The following SHROOM3 variants were observed in gnomAD, a reference collection of about 807,000 sequenced individuals.
SHROOM3 encodes shroom family member 3.
In SHROOM3, 47 loss-of-function variants were observed where a neutral mutation model predicts 138.6. That is an observed-to-expected ratio of 0.34 (90% CI 0.27 to 0.43). The LOEUF is 0.43. Among genes scored for constraint, SHROOM3 ranks in the 20% least tolerant of loss-of-function variants. The probability of loss-of-function intolerance (pLI) is 1.00; values close to 1 mark genes in which losing one functional copy is unlikely to be tolerated. For missense variants in SHROOM3, 2,491 were observed against 2,596.5 expected (o/e 0.96, Z 0.88); for synonymous variants, 1,062 against 1,063.3 (o/e 1.00, Z 0.02).
intron 2 of SHROOM3, chr4:76,573,581 G>A (rs1435733698): frequency 1.9e-5 from 3 of 154,386 alleles, no homozygotes; most frequent in African/African-American, 7.2e-5. Flanking sequence ...CTGGGGATTT[G>A]GAGAAGTGGT....
chr4:76,755,196 AGT>A lies in SHROOM3; in HGVS notation c.4709+6_4709+7del. The A allele has an allele frequency of 6.2e-7, 1 of 1,613,356 alleles. No individual in the cohort carries two copies. The highest frequency in any genetic ancestry group is 2.2e-5 in the East Asian group (1 of 44,854). ...ATCCCGAGGGGCCACGCCCCAGGTG[AGT>A]GAGCAGACTGGGCAGCTTTCCCCCA... On this transcript the variant is annotated splice_donor_5th_base_variant and intron_variant, in intron 7 of 10. Coordinates refer to ENST00000296043, the MANE Select transcript of SHROOM3 (RefSeq NM_020859.4).
Position 76,740,474 on chromosome 4 carries a change from G to T in SHROOM3, c.2301G>T (p.Ser767=), listed in dbSNP as rs775241186. Reference sequence around the variant, plus strand: ...GGGGGCCCGGCCCAGGCAGCGCCTCGGCTCTTCAGGGCTTTCAGTACGGGA... The same window carrying T: ...GGGGGCCCGGCCCAGGCAGCGCCTCTGCTCTTCAGGGCTTTCAGTACGGGA... ...GRRGPGPGSA[S]ALQGFQYGKP... is the part of the protein sequence containing the mutation. Residue 767 remains serine (S), a synonymous_variant, in exon 5 of 11, where the codon TCG becomes TCT. Transcript: ENST00000296043. This position sits in a 1 kb window ranked among gnomAD's most constrained non-coding sequence, Gnocchi z 4.0. The T allele has an allele frequency of 6.2e-7, 1 of 1,611,762 alleles. No individual in the cohort carries two copies. The highest frequency in any genetic ancestry group is 8.5e-7 in the Non-Finnish European group (1 of 1,178,634).
chr4:76,631,015 A>G (rs1212556590), intron 2 of SHROOM3, among the ~76,000 whole-genome samples: 3 of 152,282 alleles, frequency 2.0e-5, no homozygotes, highest in Admixed American at 2.0e-4. Context: ...AAGATAGATG[A>G]GGTATTTGTT....
intron 9 of SHROOM3, among the ~76,000 whole-genome samples, chr4:76,761,310 G>A (rs1192358209): frequency 6.6e-6 from 1 of 152,126 alleles, no homozygotes; most frequent in Non-Finnish European, 1.5e-5. Flanking sequence ...GTGGCAAAAA[G>A]TATTTTTAGA....
At chr4:76,440,822 T>A (rs1210802632) in intron 1 of SHROOM3, among the ~76,000 whole-genome samples, 1 of 152,216 alleles carries the variant, frequency 6.6e-6, no homozygotes. Context: ...GTGCTCTAGC[T>A]GGACTATCTC....
Position 76,739,611 on chromosome 4 carries a change from G to A in SHROOM3, c.1438G>A (p.Val480Met), listed in dbSNP as rs767152831. The A allele has an allele frequency of 4.3e-5, 69 of 1,614,054 alleles. No individual in the cohort carries two copies. Among genetic ancestry groups the A allele is most frequent in the Non-Finnish European group, 5.6e-5 (66 of 1,180,046 alleles). ...TTCCCTGGAGCCACACTTTGCCCAG[G>A]TGCCTCAGCCTTCTGTGAGTAGCAA... Reference protein sequence around the residue: ...VPSLEPHFAQVPQPSVSSNGM... With the variant: ...VPSLEPHFAQMPQPSVSSNGM... Residue 480 changes from valine (V) to methionine (M), a missense_variant, in exon 5 of 11, where the codon GTG (valine) becomes ATG (methionine). By Grantham distance (21) the Val-to-Met change is conservative. This residue lies in a region of SHROOM3 where 1,733 missense variants were observed against 1,661.6 expected (regional missense o/e 1.04). Coordinates refer to ENST00000296043, the MANE Select transcript of SHROOM3 (RefSeq NM_020859.4).
At chr4:76,632,357 A>G (rs966994058) in intron 2 of SHROOM3, among the ~76,000 whole-genome samples, 2 of 152,216 alleles carry the variant, frequency 1.3e-5, no homozygotes, top group African/African-American at 4.8e-5. Flanking sequence ...TCATGAGGAG[A>G]TGGACCCAGC....
intron 2 of SHROOM3, among the ~76,000 whole-genome samples, chr4:76,609,509 G>T (rs1734717652): frequency 6.6e-6 from 1 of 152,184 alleles, no homozygotes; most frequent in Admixed American, 6.5e-5. Flanking sequence ...GGCCTCATGA[G>T]ATTCTCCTGC....
chr4:76,678,567 G>A (rs1052945722), intron 2 of SHROOM3, among the ~76,000 whole-genome samples: 4 of 152,100 alleles, frequency 2.6e-5, no homozygotes, highest in East Asian at 1.9e-4. Context: ...TGAGTCAGTC[G>A]GATGGGTGTT....
chr4:76,486,165 G>A (rs1300699991), intron 1 of SHROOM3, among the ~76,000 whole-genome samples: 1 of 152,176 alleles, frequency 6.6e-6, no homozygotes, highest in Non-Finnish European at 1.5e-5. Flanking sequence ...CAATGTATTG[G>A]ATCAATAAGC....
chr4:76,757,129 AAGTAAT>A (rs745331349), intron 8 of SHROOM3, 192 bp downstream of exon 8: 48 of 699,316 alleles, frequency 6.9e-5, no homozygotes, highest in Non-Finnish European at 1.0e-4. Context: ...ACAACAAAGA[AAGTAAT>A]AGTAATAATT....
At chr4:76,718,480 G>C (rs1472293987) in intron 3 of SHROOM3, among the ~76,000 whole-genome samples, 1 of 152,118 alleles carries the variant, frequency 6.6e-6, no homozygotes, top group Non-Finnish European at 1.5e-5. Context: ...TTTTAATGAA[G>C]TTTCTTTGCC....
chr4:76,689,890 C>G (rs1719467482), intron 2 of SHROOM3, among the ~76,000 whole-genome samples: 1 of 152,226 alleles, frequency 6.6e-6, no homozygotes, highest in Non-Finnish European at 1.5e-5. Flanking sequence ...TCTCCTGACA[C>G]TCCTAGGCCT....
intron 3 of SHROOM3, among the ~76,000 whole-genome samples, chr4:76,730,181 G>A (rs928797766): frequency 6.6e-6 from 1 of 152,184 alleles, no homozygotes; most frequent in Non-Finnish European, 1.5e-5. Context: ...GTGTTGTAAG[G>A]GCAGGATGTT....
In SHROOM3 at chr4:76,740,925, G is replaced by T; in HGVS notation, c.2752G>T (p.Ala918Ser). ...PGSPESPLLD[A>S]PFSRAYRNSI... ...CTCGCCCGAATCGCCCCTGCTGGAT[G>T]CCCCCTTCAGCCGCGCCTACCGGAA... is the stretch of plus-strand genomic sequence containing the variant. Residue 918 changes from alanine (A) to serine (S), a missense_variant, in exon 5 of 11, where the codon GCC becomes TCC. Around this residue, in one of 4 missense-constraint regions of SHROOM3, gnomAD observed 1,733 missense variants for 1,661.6 expected, o/e 1.04. Coordinates refer to ENST00000296043, the MANE Select transcript of SHROOM3 (RefSeq NM_020859.4). The surrounding 1 kb of genome is among the most constrained non-coding windows in gnomAD (Gnocchi z 4.0). 6.7e-7 allele frequency: 1 copy of T among 1,496,700 alleles called. No individual in the cohort carries two copies. The highest frequency in any genetic ancestry group is 1.4e-5 in the South Asian group (1 of 72,272). 92.7% of individuals were successfully genotyped at this position (1,496,700 alleles called of 1,614,324 possible). A position where few individuals can be genotyped will look rare whatever the true frequency, so the allele number is the denominator to read the frequency against.
At chr4:76,690,797 A>G (rs1302623733) in intron 2 of SHROOM3, among the ~76,000 whole-genome samples, 1 of 152,174 alleles carries the variant, frequency 6.6e-6, no homozygotes, top group Non-Finnish European at 1.5e-5. Flanking sequence ...TTTGTTTGCT[A>G]AGACCTAGTT....
At chr4:76,730,750 A>T in intron 3 of SHROOM3, 54 bp from the exon 4 acceptor site, 1 of 1,610,820 alleles carries the variant, frequency 6.2e-7, no homozygotes, top group Non-Finnish European at 8.5e-7. Context: ...ATCAGTGAGG[A>T]GACTCAGCTG....
intron 2 of SHROOM3, among the ~76,000 whole-genome samples, chr4:76,576,435 G>A (rs1733942110): frequency 6.6e-6 from 1 of 152,082 alleles, no homozygotes; most frequent in African/African-American, 2.4e-5. Flanking sequence ...CTTGTTTGTG[G>A]GATCTAAAAA....
At position 76,648,885 on chromosome 4, in the gene SHROOM3, T is replaced by C. The variant is rs182280319; in HGVS notation, c.324-61271T>C. On this transcript the variant is annotated intron_variant, in intron 2 of 10. Transcript: ENST00000296043. ...CTAAAAAGCATATGATGGGGGGAGC[T>C]GTATAGGAGAGTATCACAGAAAATT... is the stretch of plus-strand genomic sequence containing the variant. Among the ~76,000 whole-genome samples the C allele has an allele frequency of 5.3e-5, 8 of 152,270 alleles. No homozygotes were observed. The East Asian group carries it at 9.6e-4, about 18-fold the overall frequency.
Sources: gnomAD v4.1 joint callset for allele counts (sites outside exome capture counted in the v4.1 genomes callset) on GRCh38, gnomAD v4.1.1 for gene constraint, gnomAD v4.1.1 regional missense constraint, Gnocchi (gnomAD v3.1) non-coding constraint, MANE v1.5 for transcripts, NCBI Gene and HGNC (gene_info 2026-07-23, HGNC 2026-07-21) for gene names.